The following GRSF1 variants were observed in gnomAD, a reference collection of about 807,000 sequenced individuals.
GRSF1 encodes the protein G-rich sequence factor 1.
A neutral mutation model predicts 51.1 loss-of-function variants in GRSF1; 50 were observed. That is an observed-to-expected ratio of 0.98 (90% confidence interval 0.78 to 1.24). The LOEUF is 1.24. GRSF1 is among the 50% of genes most tolerant of loss of function. GRSF1 has a pLI of 0.00. For missense variants in GRSF1, 700 were observed against 639.7 expected, an observed-to-expected ratio of 1.09 and a Z score of -1.02; for synonymous variants, 293 against 253.3, an observed-to-expected ratio of 1.16 and a Z score of -1.49.
intron 5 of GRSF1, among the ~76,000 whole-genome samples, chr4:70,829,933 G>T (rs141632821): frequency 6.6e-6 from 1 of 151,870 alleles, no homozygotes; most frequent in Non-Finnish European, 1.5e-5. Flanking sequence ...AAAAATTAAC[G>T]AAACAGTGAT....
chr4:70,839,848 G>T lies in GRSF1; in HGVS notation c.-21C>A. ...GCCATGGACTCCGGAGGCGGCGCAG[G>T]GCCTGAAGGCAGCTGCTCCAGCAGC... On this transcript the variant is annotated 5_prime_UTR_variant, in exon 1 of 10. Coordinates refer to ENST00000254799, the MANE Select transcript of GRSF1 (RefSeq NM_002092.4). 6.8e-7 allele frequency: 1 copy of T among 1,469,518 alleles called. No individual in the cohort carries two copies. Among genetic ancestry groups the T allele is most frequent in the Middle Eastern group, 2.4e-4 (1 of 4,128 alleles). 91.0% of individuals were successfully genotyped at this position (1,469,518 alleles called of 1,614,324 possible).
At chr4:70,822,731 C>A (rs541490200) in intron 9 of GRSF1, among the ~76,000 whole-genome samples, 1 of 152,168 alleles carries the variant, frequency 6.6e-6, no homozygotes, top group South Asian at 2.1e-4. Context: ...TGGCAAACAG[C>A]ATGATGTTGG....
In GRSF1 at chr4:70,836,144, T is replaced by C. The variant is rs781036581; in HGVS notation, c.514+14A>G. 8.5e-6 allele frequency: 12 copies of C among 1,403,684 alleles called. 1 individual carries two copies. The highest frequency in any genetic ancestry group is 1.1e-5 in the Non-Finnish European group (12 of 1,054,274). The allele number at this position is 1,403,684 out of a possible 1,614,324, so 87.0% of individuals were successfully genotyped here. A position where few individuals can be genotyped will look rare whatever the true frequency, so the allele number is the denominator to read the frequency against. On this transcript the variant is annotated intron_variant, in intron 2 of 9. Coordinates refer to ENST00000254799, the MANE Select transcript of GRSF1 (RefSeq NM_002092.4). ...GGAAAAAAAATAAATAAATAAAACA[T>C]ACATAAAATATACCTGAAAAAAAGT...
rs140140135 is a variant in GRSF1 at position 70,823,756 on chromosome 4, G to A, written c.*25+538C>T. On this transcript the variant is annotated intron_variant, in intron 9 of 9. Coordinates refer to ENST00000254799, the MANE Select transcript of GRSF1 (RefSeq NM_002092.4). ...ATGGTAGTACACACCTGTAGTCCCA[G>A]CTACTTGGGAGGCTGAAGTGAGAGA... 5.4e-3 allele frequency among the ~76,000 whole-genome samples: 818 copies of A among 152,100 alleles called. 4 individuals carry two copies. The highest frequency in any genetic ancestry group is 0.01 in the Middle Eastern group (3 of 294).
upstream of GRSF1, among the ~76,000 whole-genome samples, chr4:70,841,831 T>C (rs1412553809): frequency 6.6e-6 from 1 of 152,224 alleles, no homozygotes; most frequent in East Asian, 1.9e-4. Context: ...GTTTTGTTTT[T>C]TGGGCTAAAA....
chr4:70,830,843 T>G (rs1425033501), intron 5 of GRSF1, among the ~76,000 whole-genome samples: 1 of 152,020 alleles, frequency 6.6e-6, no homozygotes, highest in Non-Finnish European at 1.5e-5. Flanking sequence ...AAGGCTATTT[T>G]TGGTATAATT....
In GRSF1 at chr4:70,839,442, G is replaced by A. The variant is rs905689862; in HGVS notation, c.357+29C>T. On this transcript the variant is annotated intron_variant, in intron 1 of 9. Transcript: ENST00000254799. ...GTGCACGCGGCCCGGGAGGGATCTC[G>A]CGCCAGGTCCCTCACGGCGCCCACG... The A allele has an allele frequency of 7.5e-6, 11 of 1,475,390 alleles. No homozygotes were observed. The African/African-American group carries it at 1.2e-4, about 16-fold the overall frequency. The allele number at this position is 1,475,390 out of a possible 1,614,324, so 91.4% of individuals were successfully genotyped here. A position where few individuals can be genotyped will look rare whatever the true frequency, so the allele number is the denominator to read the frequency against.
rs770159435 is a variant in GRSF1 at position 70,836,282 on chromosome 4, T to A, written c.390A>T (p.Pro130=). Residue 130 remains proline (P), a synonymous_variant, in exon 2 of 10, where the codon CCA becomes CCT. Transcript: ENST00000254799. ...GGGCCAATTCATACTCAGGGGGTGG[T>A]GGAAGGTCTTCCAGGTAAGTAGTTT... is the stretch of plus-strand genomic sequence containing the variant. ...ESKTTYLEDL[P]PPPEYELAPS... 1 of 1,596,082 alleles carries A rather than the reference T, an allele frequency of 6.3e-7. No homozygotes were observed. The highest frequency in any genetic ancestry group is 8.5e-7 in the Non-Finnish European group (1 of 1,175,156).
intron 1 of GRSF1, among the ~76,000 whole-genome samples, chr4:70,837,091 CCT>C (rs1734244465): frequency 6.6e-6 from 1 of 152,164 alleles, no homozygotes; most frequent in Non-Finnish European, 1.5e-5. Context: ...TGGGAATATT[CCT>C]CTGTCAGCTG....
chr4:70,839,056 G>A, intron 1 of GRSF1: 1 of 1,116,190 alleles, frequency 9.0e-7, no homozygotes, highest in Non-Finnish European at 1.2e-6. Flanking sequence ...CCCAGGCCTA[G>A]CGCTCGGGCT....
intron 1 of GRSF1, 33 bp downstream of exon 1, chr4:70,839,438 T>A: frequency 6.8e-7 from 1 of 1,480,898 alleles, no homozygotes; most frequent in Non-Finnish European, 8.9e-7. Flanking sequence ...CCGGGAGGGA[T>A]CTCGCGCCAG....
chr4:70,828,277 A>G (rs919091146), intron 5 of GRSF1, among the ~76,000 whole-genome samples: 1 of 152,230 alleles, frequency 6.6e-6, no homozygotes, highest in African/African-American at 2.4e-5. Flanking sequence ...ATACATTTTA[A>G]TAATATTTTC....
In GRSF1 at chr4:70,818,799, G is replaced by A. The variant is rs1299064206; in HGVS notation, c.*2088C>T. ...CCACAAAGGAAGTTATAGACACAAG[G>A]AACCCAAACAGAAGGAAATTCACCA... On this transcript the variant is annotated 3_prime_UTR_variant, in exon 10 of 10. Coordinates refer to ENST00000254799, the MANE Select transcript of GRSF1 (RefSeq NM_002092.4). The A allele has an allele frequency of 6.6e-6, 1 of 152,096 alleles. No individual in the cohort carries two copies. The highest frequency in any genetic ancestry group is 1.5e-5 in the Non-Finnish European group (1 of 68,036). 9.4% of individuals were successfully genotyped at this position (152,096 alleles called of 1,614,324 possible). A position where few individuals can be genotyped will look rare whatever the true frequency, so the allele number is the denominator to read the frequency against.
In GRSF1 at chr4:70,835,488, A is replaced by C. The variant is rs34752596; in HGVS notation, c.514+670T>G. Among the ~76,000 whole-genome samples, 4 of 143,332 alleles carry C rather than the reference A, an allele frequency of 2.8e-5. No homozygotes were observed. In the South Asian group the frequency reaches 6.8e-4, roughly 24 times the overall value. 94.0% of individuals were successfully genotyped at this position (143,332 alleles called of 152,430 possible). On this transcript the variant is annotated intron_variant, in intron 2 of 9. Transcript: ENST00000254799. ...TTTTTTTTTTTTGAGACAGAGTCTC[A>C]CTCTGTCGCCCAGGCTGGAATGCAG...
At position 70,832,231 on chromosome 4, in the gene GRSF1, G is replaced by A. The variant is rs554305231; in HGVS notation, c.814+76C>T. 16 of 1,223,178 alleles carry A rather than the reference G, an allele frequency of 1.3e-5. No homozygotes were observed. In the African/African-American group the frequency reaches 1.9e-4, roughly 15 times the overall value. The allele number at this position is 1,223,178 out of a possible 1,614,324, so 75.8% of individuals were successfully genotyped here. The stretch of plus-strand genomic sequence containing the variant: ...ACTGCATGCCTTTGCCCAGAAACAG[G>A]CTCATCTAAGATATAGAAGGAGATA... On this transcript the variant is annotated intron_variant, in intron 4 of 9. Coordinates refer to ENST00000254799, the MANE Select transcript of GRSF1 (RefSeq NM_002092.4).
At chr4:70,836,007 C>A in intron 2 of GRSF1, 151 bp downstream of exon 2, 1 of 481,992 alleles carries the variant, frequency 2.1e-6, no homozygotes. Context: ...AGTTCCCAAC[C>A]ATCAAAAAGG....
chr4:70,842,513 C>T (rs183233104), upstream of GRSF1, among the ~76,000 whole-genome samples: 616 of 152,232 alleles, frequency 4.0e-3, 15 homozygotes, highest in Admixed American at 0.033. Context: ...ATGACTCACA[C>T]TAGCCTTGAC....
chr4:70,839,302 G>A, intron 1 of GRSF1, 169 bp downstream of exon 1: 3 of 1,500,966 alleles, frequency 2.0e-6, no homozygotes, highest in Non-Finnish European at 2.7e-6. Flanking sequence ...AGCTTCCCTT[G>A]TTCCAGGGCC....
chr4:70,832,585 AAAATAAC>A (rs1346745685), intron 3 of GRSF1, 135 bp from the exon 4 acceptor site: 11 of 588,734 alleles, frequency 1.9e-5, no homozygotes, highest in Non-Finnish European at 3.3e-5. Flanking sequence ...TTCTCTAGAG[AAAATAAC>A]AAATGACATT....
Sources: allele counts gnomAD v4.1 joint callset (sites outside exome capture counted in the v4.1 genomes callset), GRCh38; gene constraint gnomAD v4.1.1; transcripts MANE v1.5; gene names NCBI Gene and HGNC (gene_info 2026-07-23, HGNC 2026-07-21).